Variants in DLG2 observed in about 807,000 individuals in gnomAD.
The protein encoded by DLG2 is disks large homolog 2.
In DLG2, 45 loss-of-function variants were observed where a neutral mutation model predicts 132.5. That is an observed-to-expected ratio of 0.34 (90% confidence interval 0.27 to 0.44). The LOEUF (loss-of-function observed/expected upper bound fraction) is 0.44. Among genes scored for constraint, DLG2 ranks in the 20% least tolerant of loss-of-function variants. DLG2 has a pLI of 1.00. For missense variants in DLG2, 1,045 were observed against 1,196.9 expected, an observed-to-expected ratio of 0.87 and a Z score of 1.87; for synonymous variants, 424 against 419.6, an observed-to-expected ratio of 1.01 and a Z score of -0.13.
chr11:84,914,313 T>C lies in DLG2; in HGVS notation c.357+197348A>G, dbSNP rs181632502. On this transcript the variant is annotated intron_variant, in intron 6 of 27. Transcript: ENST00000376104. The stretch of plus-strand genomic sequence containing the variant: ...CCAGACCCTCCCATGGTCAAATGAC[T>C]TTTTATTTTATTGTCTACTTTTCTC... 2.1e-3 allele frequency among the ~76,000 whole-genome samples: 321 copies of C among 152,314 alleles called. 2 individuals are homozygous for C. The highest frequency in any genetic ancestry group is 4.2e-3 in the Non-Finnish European group (283 of 68,026).
intron 3 of DLG2, among the ~76,000 whole-genome samples, chr11:85,410,206 C>G (rs1378712539): frequency 6.6e-6 from 1 of 151,626 alleles, no homozygotes; most frequent in African/African-American, 2.4e-5. Context: ...TTTTTCTCTC[C>G]CATTATGAGA....
chr11:83,971,273 G>C (rs1271170803), intron 12 of DLG2, among the ~76,000 whole-genome samples: 2 of 152,120 alleles, frequency 1.3e-5, no homozygotes, highest in African/African-American at 4.8e-5. Flanking sequence ...CAGCCTGGCT[G>C]TGTGTTTGCT....
At chr11:84,054,646 G>C (rs1299990041) in intron 11 of DLG2, among the ~76,000 whole-genome samples, 1 of 152,008 alleles carries the variant, frequency 6.6e-6, no homozygotes, top group Non-Finnish European at 1.5e-5. Context: ...TGAGTGTTGG[G>C]AAGATTAGCT....
chr11:84,439,580 T>A (rs1055365963), intron 7 of DLG2, among the ~76,000 whole-genome samples: 5 of 152,194 alleles, frequency 3.3e-5, no homozygotes, highest in Admixed American at 6.5e-5. Context: ...TTATCCATAT[T>A]ATACCCTGTA....
intron 7 of DLG2, among the ~76,000 whole-genome samples, chr11:84,388,012 T>G (rs1177486836): frequency 6.6e-6 from 1 of 152,168 alleles, no homozygotes; most frequent in African/African-American, 2.4e-5. Context: ...ATGTCTCATG[T>G]GTTTCTTAGA....
intron 10 of DLG2, among the ~76,000 whole-genome samples, chr11:84,070,184 A>G (rs1285982663): frequency 3.3e-5 from 5 of 152,252 alleles, no homozygotes; most frequent in African/African-American, 1.2e-4. Context: ...TGTCAGGTAC[A>G]CAGTTGTCAC....
At chr11:85,464,931 G>T (rs2092731488) in intron 3 of DLG2, among the ~76,000 whole-genome samples, 1 of 151,198 alleles carries the variant, frequency 6.6e-6, no homozygotes, top group Non-Finnish European at 1.5e-5. Flanking sequence ...AAAATTATCT[G>T]GGCATGGTCA....
At chr11:84,062,802 G>C (rs1566293780) in intron 10 of DLG2, among the ~76,000 whole-genome samples, 1 of 151,184 alleles carries the variant, frequency 6.6e-6, no homozygotes, top group Non-Finnish European at 1.5e-5. Flanking sequence ...TCTCAAAATA[G>C]AGAGGAAAGT....
At chr11:83,465,010 T>A (rs2090757570) in intron 26 of DLG2, among the ~76,000 whole-genome samples, 2 of 152,190 alleles carry the variant, frequency 1.3e-5, no homozygotes, top group Admixed American at 1.3e-4. Context: ...CGACATAGTA[T>A]CCTATACAAG....
At chr11:84,882,310 A>C (rs2154055143) in intron 6 of DLG2, among the ~76,000 whole-genome samples, 1 of 149,760 alleles carries the variant, frequency 6.7e-6, no homozygotes. Context: ...ACTTAAACAA[A>C]CAAAAGGCAA....
At chr11:85,278,334 T>A (rs944525711) in intron 4 of DLG2, among the ~76,000 whole-genome samples, 1 of 152,186 alleles carries the variant, frequency 6.6e-6, no homozygotes, top group African/African-American at 2.4e-5. Context: ...CCATCATGGG[T>A]TGCTATAGAG....
At chr11:84,568,874 T>G (rs1402648636) in intron 6 of DLG2, among the ~76,000 whole-genome samples, 1 of 152,220 alleles carries the variant, frequency 6.6e-6, no homozygotes, top group Non-Finnish European at 1.5e-5. Flanking sequence ...TCCACCTGAC[T>G]GGGAGGCAAT....
chr11:85,133,026 A>G (rs2075852308), intron 5 of DLG2: 1 of 344,910 alleles, frequency 2.9e-6, no homozygotes, highest in Non-Finnish European at 5.7e-6. Flanking sequence ...GCTCCGGCAA[A>G]ACTTCCCGGT....
At chr11:85,472,748 A>G (rs1339368331) in intron 3 of DLG2, among the ~76,000 whole-genome samples, 1 of 152,146 alleles carries the variant, frequency 6.6e-6, no homozygotes, top group Non-Finnish European at 1.5e-5. Flanking sequence ...GCCCCCGTGT[A>G]CTCCACCAGC....
rs544335644 is a variant in DLG2, at chr11:85,126,098, AC to A, written c.283-14364del. Among the ~76,000 whole-genome samples, 256 of 152,342 alleles carry A rather than the reference AC, an allele frequency of 1.7e-3. 1 individual carries two copies. Among genetic ancestry groups the A allele is most frequent in the African/African-American group, 6.0e-3 (250 of 41,588 alleles). Reference sequence around the variant, plus strand: ...AAAATAACAAATGGAAGTCGCCGAAACCAAAACATGGTTGACACCTTCAAAG... The same window carrying A: ...AAAATAACAAATGGAAGTCGCCGAAACAAAACATGGTTGACACCTTCAAAG... On this transcript the variant is annotated intron_variant, in intron 5 of 27. Transcript: ENST00000376104.
intron 4 of DLG2, among the ~76,000 whole-genome samples, chr11:85,213,315 C>T (rs1334437880): frequency 2.0e-5 from 3 of 151,232 alleles, no homozygotes; most frequent in Non-Finnish European, 4.4e-5. Context: ...TGGTTTTATA[C>T]ATTTTAGGGA....
intron 11 of DLG2, among the ~76,000 whole-genome samples, chr11:84,000,634 C>G (rs1176565666): frequency 6.6e-6 from 1 of 152,052 alleles, no homozygotes; most frequent in Non-Finnish European, 1.5e-5. Flanking sequence ...TAGTCACCTA[C>G]AAGGGAATCT....
At chr11:84,928,740 G>C (rs1191232247) in intron 6 of DLG2, among the ~76,000 whole-genome samples, 1 of 151,324 alleles carries the variant, frequency 6.6e-6, no homozygotes, top group African/African-American at 2.4e-5. Context: ...GGATTTTCCT[G>C]AGATAATAAT....
intron 3 of DLG2, among the ~76,000 whole-genome samples, chr11:85,545,364 TTGA>T (rs2076242053): frequency 6.6e-6 from 1 of 152,206 alleles, no homozygotes; most frequent in Non-Finnish European, 1.5e-5. Flanking sequence ...GATAAGCTTT[TTGA>T]TGTGTTGCTG....
Sources: allele counts gnomAD v4.1 joint callset (sites outside exome capture counted in the v4.1 genomes callset), GRCh38; gene constraint gnomAD v4.1.1; transcripts MANE v1.5; gene names NCBI Gene and HGNC (gene_info 2026-07-23, HGNC 2026-07-21).